Variants in DNAJA4 observed in about 807,000 individuals in gnomAD.
DNAJA4 encodes DnaJ heat shock protein family (Hsp40) member A4.
Under a neutral mutation model 39.7 loss-of-function variants are expected in DNAJA4, and 32 were observed. The ratio of observed to expected loss-of-function variants is 0.81; its 90% CI spans 0.61 to 1.08. The LOEUF (loss-of-function observed/expected upper bound fraction) is 1.08, where lower values mean the gene tolerates loss of function less well. Ranked by LOEUF, DNAJA4 falls within the 50% of genes least tolerant of loss-of-function variation. DNAJA4 has a pLI of 0.00. For synonymous variants in DNAJA4, 184 were observed against 182.4 expected, an observed-to-expected ratio of 1.01 and a Z score of -0.07; for missense variants, 439 against 505.1, an observed-to-expected ratio of 0.87 and a Z score of 1.25.
intron 5 of DNAJA4, among the ~76,000 whole-genome samples, 177 bp downstream of exon 5, chr15:78,275,905 C>A (rs1395913775): frequency 6.6e-6 from 1 of 152,130 alleles, no homozygotes; most frequent in African/African-American, 2.4e-5. Context: ...GGGCATCTGT[C>A]GCCTTGAGTA....
intron 5 of DNAJA4, chr15:78,278,153 T>A: frequency 2.2e-6 from 1 of 456,080 alleles, no homozygotes; most frequent in South Asian, 1.5e-5. Flanking sequence ...TGGCCCTGCC[T>A]GCAGGCAGGT....
At chr15:78,275,277 CTCCCT>C (rs1179805234) in intron 4 of DNAJA4, 2 of 556,818 alleles carry the variant, frequency 3.6e-6, no homozygotes, top group Non-Finnish European at 6.4e-6. Context: ...CATTCCCCCA[CTCCCT>C]GTGCATGCTG....
intron 5 of DNAJA4, among the ~76,000 whole-genome samples, chr15:78,276,934 C>T (rs1464705264): frequency 6.6e-6 from 1 of 152,198 alleles, no homozygotes; most frequent in East Asian, 1.9e-4. Flanking sequence ...TGCTCTTTTT[C>T]TCTTTCCTCT....
chr15:78,274,217 T>A lies in DNAJA4; in HGVS notation c.439T>A (p.Ser147Thr). Residue 147 changes from serine to threonine, a missense_variant, in exon 4 of 7, where the codon TCG (serine) becomes ACG (threonine). By Grantham distance (58) the Ser-to-Thr change is moderately conservative. Coordinates refer to ENST00000394852, the MANE Select transcript of DNAJA4 (RefSeq NM_001130182.2). ...TGCAGGTGTTGGTGGGAAGAAGGGA[T>A]CGGTGGAGAAGTGCCCGCTGTGCAA... is the stretch of plus-strand genomic sequence containing the variant. ...KCEGVGGKKG[S>T]VEKCPLCKGR... 6.2e-7 allele frequency: 1 copy of A among 1,613,914 alleles called. No homozygotes were observed. Among genetic ancestry groups the A allele is most frequent in the Non-Finnish European group, 8.5e-7 (1 of 1,179,900 alleles).
intron 1 of DNAJA4, chr15:78,266,140 C>G: frequency 1.6e-6 from 2 of 1,256,514 alleles, no homozygotes; most frequent in Non-Finnish European, 2.3e-6. Flanking sequence ...GCTGGTGATT[C>G]ATCCACCTGC....
chr15:78,268,006 G>T (rs915452500), intron 1 of DNAJA4, among the ~76,000 whole-genome samples: 2 of 152,138 alleles, frequency 1.3e-5, no homozygotes, highest in Non-Finnish European at 2.9e-5. Context: ...TGGAGTGCTG[G>T]GACCCTAGAG....
chr15:78,274,425 G>T lies in DNAJA4; in HGVS notation c.646+1G>T. ...ATTATCGAGGTACATGTTGAAAAAG[G>T]TGAGGCTGCGCAGAGCTGGTGCTCC... is the stretch of plus-strand genomic sequence containing the variant. On this transcript the variant is annotated splice_donor_variant, in intron 4 of 6. Coordinates refer to ENST00000394852, the MANE Select transcript of DNAJA4 (RefSeq NM_001130182.2). LOFTEE classifies it high-confidence loss of function. The T allele has an allele frequency of 6.2e-7, 1 of 1,613,716 alleles. No individual in the cohort carries two copies. The highest frequency in any genetic ancestry group is 1.3e-5 in the African/African-American group (1 of 75,048).
intron 1 of DNAJA4, among the ~76,000 whole-genome samples, chr15:78,266,511 C>T (rs959581686): frequency 1.3e-5 from 2 of 152,206 alleles, no homozygotes; most frequent in Non-Finnish European, 2.9e-5. Context: ...GCAGTGAGGT[C>T]TGGCAGGCCC....
chr15:78,276,943 C>G (rs1227438389), intron 5 of DNAJA4, among the ~76,000 whole-genome samples: 1 of 152,202 alleles, frequency 6.6e-6, no homozygotes, highest in Non-Finnish European at 1.5e-5. Context: ...TCTCTTTCCT[C>G]TCTTGGATTC....
rs1308845449 is a variant in DNAJA4, at chr15:78,270,832, A to C, written c.313+155A>C. 2.0e-5 allele frequency among the ~76,000 whole-genome samples: 3 copies of C among 152,132 alleles called. No individual in the cohort carries two copies. In the East Asian group the frequency reaches 5.8e-4, roughly 29 times the overall value. ...CAGCACTTTGGGAGGCCAAGGTGGG[A>C]GAATTGTTTTAGGCCAGGATTTCAA... is the stretch of plus-strand genomic sequence containing the variant. On this transcript the variant is annotated intron_variant, in intron 2 of 6. Transcript: ENST00000394852.
intron 5 of DNAJA4, among the ~76,000 whole-genome samples, chr15:78,278,615 ATGT>A (rs1489397587): frequency 3.9e-5 from 6 of 152,038 alleles, no homozygotes; most frequent in Non-Finnish European, 7.4e-5. Context: ...ATCTTCATAA[ATGT>A]TGTTGACTGA....
At chr15:78,268,289 C>T (rs2049198320) in intron 1 of DNAJA4, among the ~76,000 whole-genome samples, 1 of 152,224 alleles carries the variant, frequency 6.6e-6, no homozygotes, top group African/African-American at 2.4e-5. Context: ...CCAATCCTTA[C>T]ACTCTACCTC....
intron 5 of DNAJA4, among the ~76,000 whole-genome samples, chr15:78,276,487 G>T (rs980346024): frequency 6.6e-6 from 1 of 152,232 alleles, no homozygotes; most frequent in African/African-American, 2.4e-5. Flanking sequence ...CTGTAGTTGA[G>T]GGTTTGTGTG....
At chr15:78,266,674 C>T (rs1036457210) in intron 1 of DNAJA4, among the ~76,000 whole-genome samples, 1 of 152,214 alleles carries the variant, frequency 6.6e-6, no homozygotes, top group South Asian at 2.1e-4. Context: ...ACAGGCCCAA[C>T]GTGCATCCTA....
At chr15:78,278,971 G>T (rs1052334478) in intron 5 of DNAJA4, among the ~76,000 whole-genome samples, 71 of 132,690 alleles carry the variant, frequency 5.4e-4, no homozygotes, top group African/African-American at 1.3e-3. Flanking sequence ...GCCTGGCCAT[G>T]ACTGTATTTC....
chr15:78,274,428 A>C lies in DNAJA4; in HGVS notation c.646+4A>C. 1 of 1,613,382 alleles carries C rather than the reference A, an allele frequency of 6.2e-7. No individual in the cohort carries two copies. The highest frequency in any genetic ancestry group is 8.5e-7 in the Non-Finnish European group (1 of 1,179,666). On this transcript the variant is annotated splice_donor_region_variant and intron_variant, in intron 4 of 6. Transcript: ENST00000394852. Reference sequence around the variant, plus strand: ...ATCGAGGTACATGTTGAAAAAGGTGAGGCTGCGCAGAGCTGGTGCTCCACA... The same window carrying C: ...ATCGAGGTACATGTTGAAAAAGGTGCGGCTGCGCAGAGCTGGTGCTCCACA...
Position 78,274,207 on chromosome 15 carries a change from G to A in DNAJA4, c.429G>A (p.Gly143=). The change falls in exon 4 of 7, where the codon GGG becomes GGA. Residue 143 remains glycine, a synonymous_variant. Coordinates refer to ENST00000394852, the MANE Select transcript of DNAJA4 (RefSeq NM_001130182.2). The part of the protein sequence containing the change: ...VICEKCEGVG[G]KKGSVEKCPL... ...CCCCTGACCCTGCAGGTGTTGGTGGGAAGAAGGGATCGGTGGAGAAGTGCC... is the reference window on the plus strand; with the variant it reads ...CCCCTGACCCTGCAGGTGTTGGTGGAAAGAAGGGATCGGTGGAGAAGTGCC... 8 of 1,613,816 alleles carry A rather than the reference G, an allele frequency of 5.0e-6. No homozygotes were observed. The highest frequency in any genetic ancestry group is 1.3e-5 in the African/African-American group (1 of 75,056).
chr15:78,275,564 G>C lies in DNAJA4; in HGVS notation c.713G>C (p.Gly238Ala), dbSNP rs778208624. Reference protein sequence around the residue: ...EGDQEPELEPGDVIIVLDQKD... With the variant: ...EGDQEPELEPADVIIVLDQKD... ...GATCAGGAGCCTGAGCTGGAGCCTG[G>C]TGATGTCATAATTGTGCTTGATCAG... Residue 238 changes from glycine (G) to alanine (A), a missense_variant, in exon 5 of 7, where the codon GGT becomes GCT. Gly to Ala is a moderately conservative substitution (Grantham distance 60). Transcript: ENST00000394852. The C allele has an allele frequency of 6.2e-7, 1 of 1,614,066 alleles. No individual in the cohort carries two copies. The highest frequency in any genetic ancestry group is 8.5e-7 in the Non-Finnish European group (1 of 1,180,054).
chr15:78,273,872 G>A (rs970937380), intron 3 of DNAJA4, among the ~76,000 whole-genome samples: 12 of 152,100 alleles, frequency 7.9e-5, no homozygotes, highest in Non-Finnish European at 7.4e-5. Flanking sequence ...TGTCTAGATC[G>A]CCACAGCCCC....
Sources: gnomAD v4.1 joint callset for allele counts (sites outside exome capture counted in the v4.1 genomes callset) on GRCh38, gnomAD v4.1.1 for gene constraint, MANE v1.5 for transcripts, NCBI Gene and HGNC (gene_info 2026-07-23, HGNC 2026-07-21) for gene names.